The following ARMC6 variants were observed in gnomAD, a reference collection of about 807,000 sequenced individuals.
ARMC6 encodes armadillo repeat containing 6.
A neutral mutation model predicts 49.2 loss-of-function variants in ARMC6; 43 were observed. That is an observed-to-expected ratio of 0.87 (90% CI 0.69 to 1.13). ARMC6 has a LOEUF of 1.13. ARMC6 is among the 50% of genes most tolerant of loss of function. The pLI is 0.00. For missense variants in ARMC6, 627 were observed against 682.0 expected, an observed-to-expected ratio of 0.92 and a Z score of 0.90; for synonymous variants, 262 against 289.6, an observed-to-expected ratio of 0.90 and a Z score of 0.97.
chr19:19,057,552 C>A lies in ARMC6; in HGVS notation c.1430C>A (p.Ala477Asp), dbSNP rs867626431. The A allele has an allele frequency of 1.2e-6, 2 of 1,613,842 alleles. No individual in the cohort carries two copies. The highest frequency in any genetic ancestry group is 1.3e-5 in the African/African-American group (1 of 75,032). ...AHRDCEDVAK[A>D]ALRDLGCHVE... is the part of the protein sequence containing the mutation. ...CGTGACTGTGAGGACGTGGCCAAGGCCGCCCTGCGGGACCTGGGTTGTCAT... is the reference window on the plus strand; with the variant it reads ...CGTGACTGTGAGGACGTGGCCAAGGACGCCCTGCGGGACCTGGGTTGTCAT... The change falls in exon 9 of 9, where the codon GCC becomes GAC. Residue 477 changes from alanine to aspartate, a missense_variant. Coordinates refer to ENST00000535612, the MANE Select transcript of ARMC6 (RefSeq NM_001199196.2).
Position 19,034,198 on chromosome 19 carries a change from G to A in ARMC6, c.-12G>A, listed in dbSNP as rs751827692. ...AGGCAGTGGGGACAAGGAGGCTACA[G>A]GGTACAAATAAATGAGTGAACGATG... On this transcript the variant is annotated 5_prime_UTR_variant, in exon 2 of 9. Transcript: ENST00000535612. 3 of 1,593,064 alleles carry A rather than the reference G, an allele frequency of 1.9e-6. No individual in the cohort carries two copies. Among genetic ancestry groups the A allele is most frequent in the Admixed American group, 1.7e-5 (1 of 59,338 alleles).
At chr19:19,035,484 C>T (rs1373491827) in intron 2 of ARMC6, among the ~76,000 whole-genome samples, 1 of 152,240 alleles carries the variant, frequency 6.6e-6, no homozygotes, top group Non-Finnish European at 1.5e-5. Flanking sequence ...TTGGCCATCT[C>T]CAGGCACCAT....
chr19:19,051,917 C>T lies in ARMC6; in HGVS notation c.575C>T (p.Ala192Val), dbSNP rs2059500502. The change falls in exon 5 of 9, where the codon GCT (alanine) becomes GTT (valine). Residue 192 changes from alanine (A) to valine (V), a missense_variant. Ala to Val is a moderately conservative substitution (Grantham distance 64). Coordinates refer to ENST00000535612, the MANE Select transcript of ARMC6 (RefSeq NM_001199196.2). ...VATLTQNADEADLTCSGIRCV... is the reference protein window; with the variant it reads ...VATLTQNADEVDLTCSGIRCV... ...ACGCTGACCCAGAATGCTGATGAGG[C>T]TGACCTGACCTGCTCTGGGATCCGC... 2 of 1,614,046 alleles carry T rather than the reference C, an allele frequency of 1.2e-6. No homozygotes were observed. Among genetic ancestry groups the T allele is most frequent in the Non-Finnish European group, 1.7e-6 (2 of 1,180,054 alleles).
At chr19:19,049,048 T>C (rs1445714188) in intron 4 of ARMC6, among the ~76,000 whole-genome samples, 2 of 150,786 alleles carry the variant, frequency 1.3e-5, no homozygotes, top group African/African-American at 4.9e-5. Flanking sequence ...TTAGTATGGA[T>C]GAGGACTTAG....
intron 4 of ARMC6, among the ~76,000 whole-genome samples, chr19:19,051,373 C>CTGTGTG (rs1279966843): frequency 6.3e-4 from 72 of 115,158 alleles, no homozygotes; most frequent in African/African-American, 2.3e-3. Flanking sequence ...CTCTCTCTCT[C>CTGTGTG]TCTGTGTGTG....
At position 19,035,261 on chromosome 19, in the gene ARMC6, C is replaced by G. The variant is rs1181749579; in HGVS notation, c.29+1023C>G. Reference sequence around the variant, plus strand: ...CCTCAAGTGATCTACCCGCCTCAGACTCCCAAAGCGCTGGGATTATAGGCC... The same window carrying G: ...CCTCAAGTGATCTACCCGCCTCAGAGTCCCAAAGCGCTGGGATTATAGGCC... On this transcript the variant is annotated intron_variant, in intron 2 of 8. Transcript: ENST00000535612. Among the ~76,000 whole-genome samples, 7 of 152,210 alleles carry G rather than the reference C, an allele frequency of 4.6e-5. No individual in the cohort carries two copies. The East Asian group carries it at 1.3e-3, about 29-fold the overall frequency.
chr19:19,042,613 G>A (rs1056744473), intron 2 of ARMC6, 98 bp from the exon 3 acceptor site: 8 of 1,273,404 alleles, frequency 6.3e-6, no homozygotes, highest in African/African-American at 2.9e-5. Flanking sequence ...GGCTCTGGTC[G>A]CTGGTAGATG....
chr19:19,040,306 G>T (rs1361233128), intron 2 of ARMC6, among the ~76,000 whole-genome samples: 1 of 152,144 alleles, frequency 6.6e-6, no homozygotes, highest in Non-Finnish European at 1.5e-5. Context: ...GATCCTGTGG[G>T]ATCATTATCT....
At chr19:19,053,218 T>C (rs550521678) in intron 5 of ARMC6, among the ~76,000 whole-genome samples, 2 of 152,332 alleles carry the variant, frequency 1.3e-5, no homozygotes, top group East Asian at 3.9e-4. Context: ...CTGGGCATGG[T>C]GGCTCATGCC....
intron 4 of ARMC6, among the ~76,000 whole-genome samples, chr19:19,046,826 T>C (rs1262282854): frequency 1.3e-5 from 2 of 151,974 alleles, no homozygotes; most frequent in Non-Finnish European, 2.9e-5. Flanking sequence ...GGGATCTTGC[T>C]ATATTGCCCA....
chr19:19,037,273 G>A (rs566417786), intron 2 of ARMC6, among the ~76,000 whole-genome samples: 27 of 152,218 alleles, frequency 1.8e-4, no homozygotes, highest in African/African-American at 6.5e-4. Context: ...CCGTCAGGCA[G>A]TGTGCAGTCC....
chr19:19,034,628 G>A (rs1455451827), intron 2 of ARMC6, among the ~76,000 whole-genome samples: 1 of 152,126 alleles, frequency 6.6e-6, no homozygotes, highest in Non-Finnish European at 1.5e-5. Context: ...TTTCTCTGTC[G>A]CCCAGGCTAG....
At chr19:19,034,334 G>A in intron 2 of ARMC6, 96 bp downstream of exon 2, 1 of 1,442,062 alleles carries the variant, frequency 6.9e-7, no homozygotes, top group Non-Finnish European at 9.4e-7. Flanking sequence ...TGAGTGCTGG[G>A]AAGGATGAGA....
chr19:19,047,315 A>T (rs916404107), intron 4 of ARMC6, among the ~76,000 whole-genome samples: 2 of 152,002 alleles, frequency 1.3e-5, no homozygotes, highest in Admixed American at 6.6e-5. Flanking sequence ...AGCATAATTG[A>T]CCTTTGTGCA....
intron 2 of ARMC6, among the ~76,000 whole-genome samples, chr19:19,034,712 C>T (rs2059331673): frequency 6.6e-6 from 1 of 152,054 alleles, no homozygotes; most frequent in South Asian, 2.1e-4. Flanking sequence ...CCTCAGCCTC[C>T]CGAGTAGCTG....
chr19:19,054,076 C>A, intron 5 of ARMC6, 76 bp from the exon 6 acceptor site: 1 of 1,385,420 alleles, frequency 7.2e-7, no homozygotes, highest in Non-Finnish European at 9.6e-7. Flanking sequence ...TCCAGTGGAG[C>A]AGGATCTCCA....
At position 19,058,016 on chromosome 19, in the gene ARMC6, G is replaced by A. The variant is rs1312679812; in HGVS notation, c.*388G>A. Reference sequence around the variant, plus strand: ...TTCCAGTGGGGTTGGGCCCCCTGGCGCCTGCTGCTTACTGCAGTTTCATGC... The same window carrying A: ...TTCCAGTGGGGTTGGGCCCCCTGGCACCTGCTGCTTACTGCAGTTTCATGC... On this transcript the variant is annotated 3_prime_UTR_variant, in exon 9 of 9. Coordinates refer to ENST00000535612, the MANE Select transcript of ARMC6 (RefSeq NM_001199196.2). 2 of 337,920 alleles carry A rather than the reference G, an allele frequency of 5.9e-6. No homozygotes were observed. Among genetic ancestry groups the A allele is most frequent in the South Asian group, 2.6e-5 (1 of 38,706 alleles). The allele number at this position is 337,920 out of a possible 1,614,324, so 20.9% of individuals were successfully genotyped here. A position where few individuals can be genotyped will look rare whatever the true frequency, so the allele number is the denominator to read the frequency against.
intron 2 of ARMC6, among the ~76,000 whole-genome samples, chr19:19,034,591 C>T (rs1420754406): frequency 1.3e-5 from 2 of 151,898 alleles, no homozygotes; most frequent in African/African-American, 2.4e-5. Flanking sequence ...TCATGGCACA[C>T]GTTTAATTTT....
rs1482953742 is a variant in ARMC6, at chr19:19,038,728, A to G, written c.30-3983A>G. Among the ~76,000 whole-genome samples, 4 of 151,646 alleles carry G rather than the reference A, an allele frequency of 2.6e-5. No homozygotes were observed. In the East Asian group the frequency reaches 7.8e-4, roughly 30 times the overall value. On this transcript the variant is annotated intron_variant, in intron 2 of 8. Coordinates refer to ENST00000535612, the MANE Select transcript of ARMC6 (RefSeq NM_001199196.2). ...GAGTAGCTGGGATTACAGGCGCCCC[A>G]CTAATTTTTGTATATTTAGTAGAGA...
Sources: gnomAD v4.1 joint callset for allele counts (sites outside exome capture counted in the v4.1 genomes callset) on GRCh38, gnomAD v4.1.1 for gene constraint, MANE v1.5 for transcripts, NCBI Gene and HGNC (gene_info 2026-07-23, HGNC 2026-07-21) for gene names.